The following ASF1B variants were observed in gnomAD, a reference collection of about 807,000 sequenced individuals.
ASF1B encodes anti-silencing function 1B histone chaperone, also known as histone chaperone ASF1B.
In ASF1B, 10 loss-of-function variants were observed where a neutral mutation model predicts 16.6. That is an observed-to-expected ratio of 0.60 (90% confidence interval 0.37 to 1.02). The LOEUF (loss-of-function observed/expected upper bound fraction) is 1.02. ASF1B is among the 50% of genes least tolerant of loss of function. The pLI, the probability that ASF1B is intolerant of heterozygous loss-of-function variation, is 0.01. For synonymous variants in ASF1B, 101 were observed against 106.2 expected (o/e 0.95, Z 0.30); for missense variants, 240 against 266.0 (o/e 0.90, Z 0.68).
chr19:14,127,910 T>C (rs906341857), intron 1 of ASF1B, among the ~76,000 whole-genome samples: 1 of 152,292 alleles, frequency 6.6e-6, no homozygotes, highest in Admixed American at 6.5e-5. Context: ...AGTGCTGGGA[T>C]TACAGGTGTG....
At chr19:14,136,319 T>TG in intron 1 of ASF1B, 29 bp downstream of exon 1, 5 of 1,584,468 alleles carry the variant, frequency 3.2e-6, no homozygotes, top group African/African-American at 1.4e-5. Context: ...GGCCCGGGGG[T>TG]GGGGGTCCCC....
At chr19:14,134,932 A>T (rs1427775079) in intron 1 of ASF1B, among the ~76,000 whole-genome samples, 1 of 152,004 alleles carries the variant, frequency 6.6e-6, no homozygotes, top group Non-Finnish European at 1.5e-5. Context: ...TTAAAAAAAA[A>T]AAAGAAGAAG....
chr19:14,131,649 A>AT (rs1967407511), intron 1 of ASF1B, among the ~76,000 whole-genome samples: 2 of 150,532 alleles, frequency 1.3e-5, no homozygotes, highest in South Asian at 2.1e-4. Context: ...CACCCGGCTA[A>AT]TTTTTTGTAT....
intron 2 of ASF1B, among the ~76,000 whole-genome samples, chr19:14,124,402 G>A (rs748959157): frequency 9.9e-5 from 15 of 151,842 alleles, no homozygotes; most frequent in East Asian, 1.9e-4. Flanking sequence ...CAGTCCTCCC[G>A]CCTCTGCCTC....
chr19:14,120,963 G>C lies in ASF1B; in HGVS notation c.403-298C>G, dbSNP rs553481652. Among the ~76,000 whole-genome samples the C allele has an allele frequency of 2.6e-5, 4 of 152,186 alleles. No individual in the cohort carries two copies. In the East Asian group the frequency reaches 7.7e-4, roughly 29 times the overall value. Reference sequence around the variant, plus strand: ...AGCCTCCTGTGTAGCTGGGACTACAGGTGCAAGGCACCATACCTGGCTCAT... The same window carrying C: ...AGCCTCCTGTGTAGCTGGGACTACACGTGCAAGGCACCATACCTGGCTCAT... On this transcript the variant is annotated intron_variant, in intron 3 of 3. Coordinates refer to ENST00000263382, the MANE Select transcript of ASF1B (RefSeq NM_018154.3).
chr19:14,130,103 G>A (rs1489829978), intron 1 of ASF1B, among the ~76,000 whole-genome samples: 6 of 151,764 alleles, frequency 4.0e-5, no homozygotes, highest in Non-Finnish European at 1.5e-5. Flanking sequence ...CTGTTGCCCA[G>A]ACTAGAGTGC....
intron 2 of ASF1B, 38 bp from the exon 3 acceptor site, chr19:14,121,746 G>A (rs756105552): frequency 5.1e-6 from 8 of 1,556,388 alleles, no homozygotes; most frequent in South Asian, 2.3e-5. Flanking sequence ...CAGTGCCACA[G>A]CCATGCCTCG....
intron 1 of ASF1B, among the ~76,000 whole-genome samples, chr19:14,135,553 T>C (rs1599361523): frequency 6.6e-6 from 1 of 150,968 alleles, no homozygotes; most frequent in Admixed American, 6.6e-5. Flanking sequence ...CTGGTGGGCG[T>C]GGGGTTATTG....
chr19:14,126,600 T>C (rs927087903), intron 1 of ASF1B, among the ~76,000 whole-genome samples: 6 of 152,144 alleles, frequency 3.9e-5, no homozygotes, highest in African/African-American at 1.4e-4. Flanking sequence ...GCCTACTGAG[T>C]AGCTGGAATT....
chr19:14,120,330 T>C lies in ASF1B; in HGVS notation c.*129A>G. 1 of 889,722 alleles carries C rather than the reference T, an allele frequency of 1.1e-6. No individual in the cohort carries two copies. Among genetic ancestry groups the C allele is most frequent in the Non-Finnish European group, 1.7e-6 (1 of 582,564 alleles). 55.1% of individuals were successfully genotyped at this position (889,722 alleles called of 1,614,324 possible). On this transcript the variant is annotated 3_prime_UTR_variant, in exon 4 of 4. Coordinates refer to ENST00000263382, the MANE Select transcript of ASF1B (RefSeq NM_018154.3). The stretch of plus-strand genomic sequence containing the variant: ...GGGAGACCCAAGGCCTGTTCTTTCC[T>C]AGGGGCTGAGTTTGACAGACCTGGA...
intron 3 of ASF1B, chr19:14,121,165 G>A: frequency 2.7e-6 from 1 of 364,446 alleles, no homozygotes; most frequent in Non-Finnish European, 4.9e-6. Flanking sequence ...CTGTTGGTCA[G>A]GCTGGAATGC....
chr19:14,135,341 G>A (rs779342285), intron 1 of ASF1B, among the ~76,000 whole-genome samples: 34 of 152,140 alleles, frequency 2.2e-4, no homozygotes, highest in Non-Finnish European at 4.0e-4. Flanking sequence ...ATGCCTGCCT[G>A]GCTATGCCAC....
intron 1 of ASF1B, among the ~76,000 whole-genome samples, chr19:14,132,109 C>T (rs776197324): frequency 2.0e-5 from 3 of 150,134 alleles, no homozygotes; most frequent in South Asian, 4.2e-4. Context: ...CTCACTGCAG[C>T]CCTGACCTCC....
intron 1 of ASF1B, among the ~76,000 whole-genome samples, chr19:14,127,173 A>C (rs1225850053): frequency 1.3e-5 from 2 of 152,228 alleles, no homozygotes; most frequent in Non-Finnish European, 2.9e-5. Flanking sequence ...TGCAGTCTTG[A>C]ATGCTGAGGT....
chr19:14,123,104 G>A (rs954600153), intron 2 of ASF1B, among the ~76,000 whole-genome samples: 2 of 152,202 alleles, frequency 1.3e-5, no homozygotes, highest in Non-Finnish European at 2.9e-5. Flanking sequence ...CTCCAGAAAA[G>A]CTATTAGGTT....
At chr19:14,136,135 T>G (rs1207394269) in intron 1 of ASF1B, among the ~76,000 whole-genome samples, 3 of 30,676 alleles carry the variant, frequency 9.8e-5, no homozygotes, top group Non-Finnish European at 1.3e-4. Context: ...AGGCGGGCAG[T>G]GGGGGAGGAG....
chr19:14,132,595 A>C (rs966115754), intron 1 of ASF1B, among the ~76,000 whole-genome samples: 1 of 152,274 alleles, frequency 6.6e-6, no homozygotes, highest in South Asian at 2.1e-4. Flanking sequence ...TGAAGTGGGC[A>C]TATCACTTGC....
intron 1 of ASF1B, among the ~76,000 whole-genome samples, chr19:14,128,112 C>G (rs1967345479): frequency 6.6e-6 from 1 of 152,214 alleles, no homozygotes; most frequent in South Asian, 2.1e-4. Context: ...CATGCTGGTA[C>G]AGGGAGGCTT....
Position 14,130,787 on chromosome 19 carries a change from GTATATA to G in ASF1B, c.110-4556_110-4551del, listed in dbSNP as rs61351900. On this transcript the variant is annotated intron_variant, in intron 1 of 3. Coordinates refer to ENST00000263382, the MANE Select transcript of ASF1B (RefSeq NM_018154.3). ...ACATACCTCCACTGTGTGTTTGTGT[GTATATA>G]TATATATATATATATATAAATGATA... Among the ~76,000 whole-genome samples the G allele has an allele frequency of 1.1e-3, 150 of 142,468 alleles. 1 individual carries two copies. The highest frequency in any genetic ancestry group is 3.0e-3 in the African/African-American group (114 of 38,328). The allele number at this position is 142,468 out of a possible 152,430, so 93.5% of individuals were successfully genotyped here.
Sources: gnomAD v4.1 joint callset for allele counts (sites outside exome capture counted in the v4.1 genomes callset) on GRCh38, gnomAD v4.1.1 for gene constraint, MANE v1.5 for transcripts, NCBI Gene and HGNC (gene_info 2026-07-23, HGNC 2026-07-21) for gene names.